The following AFF1 variants were observed in gnomAD, a reference collection of about 807,000 sequenced individuals.
AFF1 encodes the protein ALF transcription elongation factor 1.
AFF1 carries 48 observed loss-of-function variants against 121.7 expected under a neutral mutation model. The ratio of observed to expected loss-of-function variants is 0.39; its 90% CI spans 0.31 to 0.50. The LOEUF (loss-of-function observed/expected upper bound fraction) is 0.50, where lower values mean the gene tolerates loss of function less well. Ranked by LOEUF, AFF1 falls within the 20% of genes least tolerant of loss-of-function variation. The pLI, the probability that AFF1 is intolerant of heterozygous loss-of-function variation, is 0.76. For synonymous variants in AFF1, 613 were observed against 563.0 expected (o/e 1.09, Z -1.26); for missense variants, 1,523 against 1,511.7 (o/e 1.01, Z -0.12).
In AFF1 at chr4:87,051,522, G is replaced by A. The variant is rs1159036842; in HGVS notation, c.1059+3928G>A. ...TGTCGCCAGGCTGGAGTGCAATGGC[G>A]CAATCTTGGCTCACTGCAACCTCCA... On this transcript the variant is annotated intron_variant, in intron 4 of 20. Coordinates refer to ENST00000395146, the MANE Select transcript of AFF1 (RefSeq NM_001166693.3). 5.3e-5 allele frequency among the ~76,000 whole-genome samples: 8 copies of A among 151,430 alleles called. No individual in the cohort carries two copies. The East Asian group carries it at 9.7e-4, about 18-fold the overall frequency.
At chr4:87,019,534 T>C (rs1727671438) in intron 2 of AFF1, among the ~76,000 whole-genome samples, 1 of 152,192 alleles carries the variant, frequency 6.6e-6, no homozygotes, top group Non-Finnish European at 1.5e-5. Flanking sequence ...CAGTCACATT[T>C]CTACATGGTT....
intron 2 of AFF1, chr4:87,006,875 C>T (rs1048363704): frequency 6.1e-5 from 52 of 846,794 alleles, no homozygotes; most frequent in African/African-American, 7.3e-5. Context: ...TGCCGCCTGC[C>T]TTTGGCTAGG....
intron 4 of AFF1, among the ~76,000 whole-genome samples, chr4:87,050,928 TGCTCATGCACATGGACCCCGAG>T (rs1272948625): frequency 2.6e-5 from 4 of 152,332 alleles, no homozygotes; most frequent in African/African-American, 9.6e-5. Context: ...TCTCTGTGAG[TGCTCATGCACATGGACCCCGAG>T]GCTGGGGGCA....
intron 1 of AFF1, among the ~76,000 whole-genome samples, chr4:86,942,948 T>C (rs1323575591): frequency 1.3e-5 from 2 of 152,234 alleles, no homozygotes; most frequent in Admixed American, 6.5e-5. Flanking sequence ...CAGTTATTAC[T>C]TACAGCTAAA....
At chr4:87,021,697 T>C (rs943658476) in intron 2 of AFF1, among the ~76,000 whole-genome samples, 7 of 152,232 alleles carry the variant, frequency 4.6e-5, no homozygotes, top group Admixed American at 1.3e-4. Flanking sequence ...ATCTCAGTAA[T>C]TTGTCTAAAC....
chr4:87,039,643 A>G (rs1729907655), intron 2 of AFF1, among the ~76,000 whole-genome samples: 1 of 152,182 alleles, frequency 6.6e-6, no homozygotes, highest in East Asian at 1.9e-4. Context: ...TAAAATACAA[A>G]TGTGGAGGAG....
chr4:87,015,159 T>C (rs532620991), intron 2 of AFF1, among the ~76,000 whole-genome samples: 90 of 152,346 alleles, frequency 5.9e-4, no homozygotes, highest in African/African-American at 2.0e-3. Context: ...CTCTGTCCTT[T>C]TATATTTTTT....
chr4:87,018,005 C>T (rs887463006), intron 2 of AFF1, among the ~76,000 whole-genome samples: 1 of 151,602 alleles, frequency 6.6e-6, no homozygotes, highest in Non-Finnish European at 1.5e-5. Context: ...ATGAGCCTTT[C>T]AAGTGTTCTT....
chr4:87,135,926 T>C lies in AFF1; in HGVS notation c.*225T>C. The C allele has an allele frequency of 1.7e-6, 1 of 593,186 alleles. No homozygotes were observed. Among genetic ancestry groups the C allele is most frequent in the Admixed American group, 4.2e-5 (1 of 23,932 alleles). The allele number at this position is 593,186 out of a possible 1,614,324, so 36.7% of individuals were successfully genotyped here. A position where few individuals can be genotyped will look rare whatever the true frequency, so the allele number is the denominator to read the frequency against. On this transcript the variant is annotated 3_prime_UTR_variant, in exon 21 of 21. Coordinates refer to ENST00000395146, the MANE Select transcript of AFF1 (RefSeq NM_001166693.3). ...GAGGAGGCTGGCCCCAGAGATGATC[T>C]TGCCCTTCCTAACTAAAGGACAGAA...
At chr4:86,959,891 A>G (rs1262907106) in intron 2 of AFF1, among the ~76,000 whole-genome samples, 1 of 152,188 alleles carries the variant, frequency 6.6e-6, no homozygotes, top group African/African-American at 2.4e-5. Flanking sequence ...TCTCTGATAA[A>G]TAATTGGAAG....
intron 2 of AFF1, among the ~76,000 whole-genome samples, chr4:87,002,404 A>G (rs1289945872): frequency 6.9e-6 from 1 of 144,638 alleles, no homozygotes; most frequent in Non-Finnish European, 1.5e-5. Flanking sequence ...TCAACTCTTA[A>G]GTTGTTAAAA....
intron 2 of AFF1, among the ~76,000 whole-genome samples, chr4:86,979,842 A>G (rs941344492): frequency 6.6e-6 from 1 of 152,220 alleles, no homozygotes; most frequent in African/African-American, 2.4e-5. Context: ...GAATTTGACA[A>G]TATGTAGCAA....
intron 2 of AFF1, among the ~76,000 whole-genome samples, chr4:87,026,084 G>A (rs1449179988): frequency 7.7e-6 from 1 of 129,640 alleles, no homozygotes; most frequent in Non-Finnish European, 1.6e-5. Context: ...TTTTTTGCGT[G>A]GTGGTGCATG....
At chr4:87,123,949 A>G (rs6846074) in intron 12 of AFF1, among the ~76,000 whole-genome samples, 7,144 of 152,254 alleles carry the variant, frequency 0.047, 589 homozygotes, top group African/African-American at 0.16. Flanking sequence ...TTCGTTCTAA[A>G]TGCACATGAG....
In AFF1 at chr4:87,047,365, C is replaced by A. The variant is rs1440814377; in HGVS notation, c.830C>A (p.Pro277His). Residue 277 changes from proline (P) to histidine (H), a missense_variant, in exon 4 of 21, where the codon CCT becomes CAT. Pro to His is a moderately conservative substitution (Grantham distance 77, BLOSUM62 -2). Transcript: ENST00000395146. Reference protein sequence around the residue: ...QDSLVAPAQPPSQTFPPPSLP... With the variant: ...QDSLVAPAQPHSQTFPPPSLP... ...AGTTTGGTGGCCCCTGCCCAGCCGC[C>A]TTCTCAGACATTTCCACCTCCCTCC... 2 of 1,614,210 alleles carry A rather than the reference C, an allele frequency of 1.2e-6. No homozygotes were observed. Among genetic ancestry groups the A allele is most frequent in the Non-Finnish European group, 1.7e-6 (2 of 1,180,044 alleles).
rs746254565 is a variant in AFF1, at chr4:87,114,701, G to T, written c.1868G>T (p.Gly623Val). 1.2e-6 allele frequency: 2 copies of T among 1,613,936 alleles called. No individual in the cohort carries two copies. The highest frequency in any genetic ancestry group is 1.1e-5 in the South Asian group (1 of 91,078). Residue 623 changes from glycine (G) to valine (V), a missense_variant, in exon 12 of 21, where the codon GGT becomes GTT. This residue lies in a region of AFF1 where 905 missense variants were observed against 842.5 expected (regional missense o/e 1.07). Coordinates refer to ENST00000395146, the MANE Select transcript of AFF1 (RefSeq NM_001166693.3). ...CCTGTCAAGGCCTCTGCCCGGGCAGGTTCACGGACCAGCCTGCAGGGGGAA... is the reference window on the plus strand; with the variant it reads ...CCTGTCAAGGCCTCTGCCCGGGCAGTTTCACGGACCAGCCTGCAGGGGGAA... Reference protein sequence around the residue: ...KKPVKASARAGSRTSLQGERE... With the variant: ...KKPVKASARAVSRTSLQGERE...
intron 1 of AFF1, among the ~76,000 whole-genome samples, chr4:86,941,159 G>C (rs1720424893): frequency 6.6e-6 from 1 of 152,140 alleles, no homozygotes; most frequent in Non-Finnish European, 1.5e-5. Context: ...GCTGCCCTTA[G>C]TGCTAGGAGA....
At chr4:87,074,832 C>T (rs1560600808) in intron 4 of AFF1, among the ~76,000 whole-genome samples, 1 of 152,172 alleles carries the variant, frequency 6.6e-6, no homozygotes, top group Non-Finnish European at 1.5e-5. Flanking sequence ...CTGCTTCTCT[C>T]ATTATTTGCA....
intron 16 of AFF1, among the ~76,000 whole-genome samples, chr4:87,129,001 G>A (rs1045980116): frequency 6.6e-6 from 1 of 152,086 alleles, no homozygotes; most frequent in Non-Finnish European, 1.5e-5. Flanking sequence ...AAGATTTCTC[G>A]TTATTCAAAG....
Sources: gnomAD v4.1 joint callset for allele counts (sites outside exome capture counted in the v4.1 genomes callset) on GRCh38, gnomAD v4.1.1 for gene constraint, gnomAD v4.1.1 regional missense constraint, MANE v1.5 for transcripts, NCBI Gene and HGNC (gene_info 2026-07-23, HGNC 2026-07-21) for gene names.